Variants in RASSF3 observed in about 807,000 individuals in gnomAD.
RASSF3 encodes Ras association domain family member 3.
In RASSF3, 19 loss-of-function variants were observed where a neutral mutation model predicts 19.9. That is an observed-to-expected ratio of 0.96 (90% CI 0.67 to 1.40). The LOEUF is 1.40. RASSF3 is among the 40% of genes most tolerant of loss of function. RASSF3 has a pLI of 0.00. For missense variants in RASSF3, 306 were observed against 289.8 expected (o/e 1.06, Z -0.41); for synonymous variants, 110 against 104.2 (o/e 1.06, Z -0.34).
chr12:64,594,757 ATTTC>A lies in RASSF3; in HGVS notation c.294+53060_294+53063del, dbSNP rs777457155. ...AAGAAAATTTACATTTGTAAAGGAAATTTCTTTCTTTTTTTGAGCTGGGGGTGGT... is the reference window on the plus strand; with the variant it reads ...AAGAAAATTTACATTTGTAAAGGAAATTTCTTTTTTTGAGCTGGGGGTGGT... On this transcript the variant is annotated intron_variant, in intron 2 of 5. Transcript: ENST00000637125. Among the ~76,000 whole-genome samples, 247 of 152,166 alleles carry A rather than the reference ATTTC, an allele frequency of 1.6e-3. 2 individuals are homozygous for A. The Middle Eastern group carries it at 0.017, about 10-fold the overall frequency.
At chr12:64,535,912 C>G (rs1434309082) in intron 1 of RASSF3, among the ~76,000 whole-genome samples, 2 of 151,828 alleles carry the variant, frequency 1.3e-5, no homozygotes, top group Non-Finnish European at 2.9e-5. Flanking sequence ...GTCTCAAACT[C>G]CCAGCTTCAG....
At chr12:64,691,977 C>T (rs1448773532) in intron 4 of RASSF3, among the ~76,000 whole-genome samples, 1 of 152,168 alleles carries the variant, frequency 6.6e-6, no homozygotes, top group Non-Finnish European at 1.5e-5. Context: ...CAGGCTAATT[C>T]CCTTCTAAAG....
At chr12:64,597,793 T>C (rs1056452607) in intron 2 of RASSF3, among the ~76,000 whole-genome samples, 1 of 152,126 alleles carries the variant, frequency 6.6e-6, no homozygotes, top group Admixed American at 6.6e-5. Context: ...GCAAATAGAT[T>C]GTGCTTAAGT....
chr12:64,586,918 A>G (rs1477383325), intron 2 of RASSF3, among the ~76,000 whole-genome samples: 1 of 151,998 alleles, frequency 6.6e-6, no homozygotes, highest in Non-Finnish European at 1.5e-5. Flanking sequence ...GCAAAACTCC[A>G]TCTCAAAAAA....
chr12:64,691,323 T>C lies in RASSF3; in HGVS notation c.458-147T>C, dbSNP rs1033182953. 3 of 635,172 alleles carry C rather than the reference T, an allele frequency of 4.7e-6. No homozygotes were observed. In the African/African-American group the frequency reaches 5.4e-5, roughly 12 times the overall value. The allele number at this position is 635,172 out of a possible 1,614,324, so 39.3% of individuals were successfully genotyped here. On this transcript the variant is annotated intron_variant, in intron 3 of 4. Coordinates refer to ENST00000542104, the MANE Select transcript of RASSF3 (RefSeq NM_178169.4). ...ATTTTATTCCACTGTGGGCTACTGG[T>C]ATTAAATAATAAGATGAGCCGACTG...
chr12:64,618,587 A>G (rs1452829897), intron 1 of RASSF3, among the ~76,000 whole-genome samples: 1 of 152,142 alleles, frequency 6.6e-6, no homozygotes, highest in African/African-American at 2.4e-5. Flanking sequence ...TTGGCCTCCC[A>G]AAGTGCTGGG....
intron 2 of RASSF3, among the ~76,000 whole-genome samples, chr12:64,595,932 A>G (rs1212232302): frequency 6.6e-6 from 1 of 152,110 alleles, no homozygotes; most frequent in Non-Finnish European, 1.5e-5. Flanking sequence ...CAGCCATAAA[A>G]CCTAAAAATA....
At chr12:64,574,665 C>T (rs1235135036) in intron 2 of RASSF3, among the ~76,000 whole-genome samples, 1 of 152,162 alleles carries the variant, frequency 6.6e-6, no homozygotes, top group African/African-American at 2.4e-5. Context: ...CTAAGCTGCT[C>T]CTTCTGGTTC....
intron 2 of RASSF3, among the ~76,000 whole-genome samples, chr12:64,565,072 C>T (rs555972598): frequency 2.0e-4 from 30 of 151,670 alleles, no homozygotes; most frequent in African/African-American, 7.2e-4. Context: ...TGAGCCACCA[C>T]ACCTGGCCTA....
At chr12:64,531,029 G>A (rs73315573), upstream of RASSF3, among the ~76,000 whole-genome samples, 536 of 152,054 alleles carry the variant, frequency 3.5e-3, 3 homozygotes, top group African/African-American at 0.012. Flanking sequence ...ATCTTTTGAC[G>A]AGTAGTTCCT....
chr12:64,548,316 G>T (rs1431569800), intron 2 of RASSF3, among the ~76,000 whole-genome samples: 1 of 151,928 alleles, frequency 6.6e-6, no homozygotes, highest in African/African-American at 2.4e-5. Flanking sequence ...GGGACCATGG[G>T]CAGGCACCAT....
chr12:64,651,851 A>G (rs1013959347), intron 1 of RASSF3, among the ~76,000 whole-genome samples: 8 of 151,754 alleles, frequency 5.3e-5, no homozygotes, highest in Non-Finnish European at 2.9e-5. Context: ...TTCTGTAGAC[A>G]TGGGGTTTCA....
chr12:64,619,683 T>C (rs1458714510), intron 1 of RASSF3, among the ~76,000 whole-genome samples: 1 of 152,114 alleles, frequency 6.6e-6, no homozygotes, highest in Non-Finnish European at 1.5e-5. Flanking sequence ...AAGAGTTCAC[T>C]TAAAATTAGT....
At chr12:64,646,364 C>A (rs1871734874) in intron 1 of RASSF3, among the ~76,000 whole-genome samples, 1 of 152,186 alleles carries the variant, frequency 6.6e-6, no homozygotes, top group African/African-American at 2.4e-5. Context: ...CACATCCTTG[C>A]TAACAGTCTC....
At chr12:64,531,598 T>C (rs571117437), upstream of RASSF3, among the ~76,000 whole-genome samples, 74 of 152,360 alleles carry the variant, frequency 4.9e-4, no homozygotes, top group African/African-American at 1.7e-3. Context: ...AACTTTGAAT[T>C]GTATTCCATA....
chr12:64,528,371 A>G (rs1409693617), upstream of RASSF3, among the ~76,000 whole-genome samples: 1 of 152,244 alleles, frequency 6.6e-6, no homozygotes, highest in African/African-American at 2.4e-5. Flanking sequence ...CTGTCAGGAA[A>G]CATTGATCTC....
At chr12:64,556,111 A>T (rs948512482) in intron 2 of RASSF3, among the ~76,000 whole-genome samples, 3 of 152,180 alleles carry the variant, frequency 2.0e-5, no homozygotes, top group African/African-American at 7.2e-5. Context: ...AGAGAGGGGA[A>T]GGTGAGAGAT....
At chr12:64,604,464 A>G (rs115967276) in intron 2 of RASSF3, among the ~76,000 whole-genome samples, 3 of 151,532 alleles carry the variant, frequency 2.0e-5, no homozygotes, top group African/African-American at 7.3e-5. Context: ...ACAACCAAAC[A>G]CATTGCCTTT....
At chr12:64,622,948 G>A (rs184866777) in intron 1 of RASSF3, among the ~76,000 whole-genome samples, 90 of 151,892 alleles carry the variant, frequency 5.9e-4, no homozygotes, top group Admixed American at 1.4e-3. Context: ...AGCCTCCCCA[G>A]TAGCTGGGAA....
Sources: allele counts gnomAD v4.1 joint callset (sites outside exome capture counted in the v4.1 genomes callset), GRCh38; gene constraint gnomAD v4.1.1; transcripts MANE v1.5; gene names NCBI Gene and HGNC (gene_info 2026-07-23, HGNC 2026-07-21).